GPLD1: variants seen among roughly 807,000 people sequenced by gnomAD.
GPLD1 encodes the protein phosphatidylinositol-glycan-specific phospholipase D.
GPLD1 carries 84 observed loss-of-function variants against 112.6 expected under a neutral mutation model. The observed-to-expected ratio is 0.75, with a 90% confidence interval of 0.63 to 0.89. The LOEUF (loss-of-function observed/expected upper bound fraction) is 0.89. GPLD1 is among the 40% of genes least tolerant of loss of function. The probability of loss-of-function intolerance (pLI) is 0.00; values close to 1 mark genes in which losing one functional copy is unlikely to be tolerated. For synonymous variants in GPLD1, 386 were observed against 403.8 expected (o/e 0.96, Z 0.53); for missense variants, 1,044 against 1,051.5 (o/e 0.99, Z 0.10).
At position 24,467,912 on chromosome 6, in the gene GPLD1, G is replaced by GC. The variant is rs545748067; in HGVS notation, c.546-639_546-638insG. Among the ~76,000 whole-genome samples the GC allele has an allele frequency of 3.0e-3, 436 of 147,782 alleles. 1 individual carries two copies. Among genetic ancestry groups the GC allele is most frequent in the African/African-American group, 0.01 (405 of 40,442 alleles). Reference sequence around the variant, plus strand: ...TGGTTGTTTTTGTTTTCTGTTTTTTGTTTTTTTTTTGGAGATGGAGCTTCG... The same window carrying GC: ...TGGTTGTTTTTGTTTTCTGTTTTTTGCTTTTTTTTTTGGAGATGGAGCTTCG... On this transcript the variant is annotated intron_variant, in intron 7 of 24. Transcript: ENST00000230036.
intron 14 of GPLD1, among the ~76,000 whole-genome samples, chr6:24,451,686 C>G (rs1476471049): frequency 6.6e-6 from 1 of 152,182 alleles, no homozygotes; most frequent in Non-Finnish European, 1.5e-5. Context: ...GCCTTTCACA[C>G]AGTGGTGCTT....
intron 14 of GPLD1, among the ~76,000 whole-genome samples, chr6:24,453,725 TAA>T (rs1763172052): frequency 6.6e-6 from 1 of 151,974 alleles, no homozygotes; most frequent in Admixed American, 6.6e-5. Context: ...TGTGTGTGTA[TAA>T]AGAGGTTTTA....
Position 24,488,398 on chromosome 6 carries a change from C to T in GPLD1, c.97+1017G>A, listed in dbSNP as rs184259252. ...CTGCACTCCAGCATGGCGGACAGAG[C>T]GAGACTCCGTCTCAAAAAAAAAAAA... On this transcript the variant is annotated intron_variant, in intron 1 of 24. Transcript: ENST00000230036. Among the ~76,000 whole-genome samples, 464 of 141,894 alleles carry T rather than the reference C, an allele frequency of 3.3e-3. 4 individuals carry two copies. Among genetic ancestry groups the T allele is most frequent in the African/African-American group, 0.012 (427 of 35,722 alleles). 93.1% of individuals were successfully genotyped at this position (141,894 alleles called of 152,430 possible).
rs35561888 is a variant in GPLD1 at position 24,447,515 on chromosome 6, C to CAA, written c.1678+360_1678+361dup. ...TGGGTGACACAGGGAGACTCTGTCT[C>CAA]AAAAAAAAGAAAAAACAACAATAAC... On this transcript the variant is annotated intron_variant, in intron 17 of 24. Transcript: ENST00000230036. Among the ~76,000 whole-genome samples, 1,356 of 150,982 alleles carry CAA rather than the reference C, an allele frequency of 9.0e-3. 12 individuals are homozygous for CAA. The highest frequency in any genetic ancestry group is 0.014 in the Non-Finnish European group (950 of 67,774).
chr6:24,447,745 A>T, intron 17 of GPLD1, 132 bp downstream of exon 17: 1 of 829,976 alleles, frequency 1.2e-6, no homozygotes. Flanking sequence ...CATCTTTAAG[A>T]GTAACAGACT....
At chr6:24,489,132 C>T (rs1395741387) in intron 1 of GPLD1, among the ~76,000 whole-genome samples, 2 of 152,222 alleles carry the variant, frequency 1.3e-5, no homozygotes, top group Non-Finnish European at 2.9e-5. Flanking sequence ...ACCTCTCGTT[C>T]ACTGAGCCTC....
At chr6:24,466,078 C>T (rs1328992466) in intron 10 of GPLD1, among the ~76,000 whole-genome samples, 1 of 152,258 alleles carries the variant, frequency 6.6e-6, no homozygotes, top group East Asian at 1.9e-4. Context: ...GGTGCAGTGG[C>T]TCATGCCTGT....
intron 24 of GPLD1, among the ~76,000 whole-genome samples, chr6:24,430,798 A>G (rs904479201): frequency 6.6e-6 from 1 of 152,186 alleles, no homozygotes; most frequent in African/African-American, 2.4e-5. Flanking sequence ...CTTTACACCC[A>G]GAGCGTTCAA....
chr6:24,455,154 C>G (rs966222444), intron 13 of GPLD1, among the ~76,000 whole-genome samples: 6 of 152,338 alleles, frequency 3.9e-5, no homozygotes, highest in African/African-American at 1.4e-4. Context: ...GTGGGAGGGA[C>G]AGACACTCCA....
At chr6:24,467,649 G>T (rs2744551) in intron 7 of GPLD1, among the ~76,000 whole-genome samples, 135,731 of 152,174 alleles carry the variant, frequency 0.89, 61,195 homozygotes, top group African/African-American at 0.95. Flanking sequence ...GTATTTTCAT[G>T]GTTTCAAGTT....
At chr6:24,438,796 T>C (rs372932277) in intron 20 of GPLD1, among the ~76,000 whole-genome samples, 2 of 151,896 alleles carry the variant, frequency 1.3e-5, no homozygotes, top group South Asian at 4.2e-4. Flanking sequence ...TTTTTCTTTT[T>C]TTATTATTGA....
intron 3 of GPLD1, among the ~76,000 whole-genome samples, chr6:24,479,085 A>G (rs182372648): frequency 8.1e-4 from 123 of 152,210 alleles, no homozygotes; most frequent in African/African-American, 2.6e-3. Flanking sequence ...AACATCTCCA[A>G]TCAGAAACAT....
intron 15 of GPLD1, among the ~76,000 whole-genome samples, chr6:24,449,146 C>A (rs141540607): frequency 6.6e-6 from 1 of 151,850 alleles, no homozygotes; most frequent in African/African-American, 2.4e-5. Context: ...GGAAACTGTA[C>A]GAGCAAAGGT....
chr6:24,485,632 T>C (rs191335702), intron 2 of GPLD1, among the ~76,000 whole-genome samples: 1 of 152,078 alleles, frequency 6.6e-6, no homozygotes, highest in African/African-American at 2.4e-5. Flanking sequence ...ATTAATAACA[T>C]AATATACAAC....
intron 13 of GPLD1, among the ~76,000 whole-genome samples, chr6:24,454,910 C>T (rs548677141): frequency 6.6e-6 from 1 of 152,338 alleles, no homozygotes; most frequent in African/African-American, 2.4e-5. Context: ...AGGTGGATCA[C>T]CTGAGATCAG....
rs878933539 is a variant in GPLD1 at position 24,476,055 on chromosome 6, A to C, written c.330+126T>G. On this transcript the variant is annotated intron_variant, in intron 4 of 24. Transcript: ENST00000230036. ...CATCTACTATGTCCAAGCAATGTGC[A>C]TGACACTGAAGGTGGAATGGTGGGC... The C allele has an allele frequency of 2.3e-5, 14 of 607,058 alleles. No homozygotes were observed. In the South Asian group the frequency reaches 2.7e-4, roughly 12 times the overall value. The allele number at this position is 607,058 out of a possible 1,614,324, so 37.6% of individuals were successfully genotyped here.
intron 14 of GPLD1, among the ~76,000 whole-genome samples, chr6:24,450,595 T>C (rs562145422): frequency 1.3e-5 from 2 of 152,358 alleles, no homozygotes; most frequent in Non-Finnish European, 2.9e-5. Context: ...CAGGATGTTC[T>C]AGAGCCATGC....
chr6:24,476,998 C>A (rs1209567554), intron 3 of GPLD1, among the ~76,000 whole-genome samples: 1 of 151,930 alleles, frequency 6.6e-6, no homozygotes, highest in African/African-American at 2.4e-5. Flanking sequence ...GTAAAAATTG[C>A]CGAACCAGTT....
chr6:24,462,862 T>C (rs796709718), intron 10 of GPLD1, 67 bp from the exon 11 acceptor site: 3 of 1,138,490 alleles, frequency 2.6e-6, no homozygotes, highest in Non-Finnish European at 4.0e-6. Flanking sequence ...TTACCGAGAA[T>C]CGGTAGTGCG....
Sources: allele counts gnomAD v4.1 joint callset (sites outside exome capture counted in the v4.1 genomes callset), GRCh38; gene constraint gnomAD v4.1.1; transcripts MANE v1.5; gene names NCBI Gene and HGNC (gene_info 2026-07-23, HGNC 2026-07-21).